Variants in NUBP1 observed in about 807,000 individuals in gnomAD.
NUBP1 encodes NUBP iron-sulfur cluster assembly factor 1, cytosolic, also known as cytosolic Fe-S cluster assembly factor NUBP1.
In NUBP1, 46 loss-of-function variants were observed where a neutral mutation model predicts 41.8. That is an observed-to-expected ratio of 1.10 (90% CI 0.87 to 1.41). NUBP1 has a LOEUF of 1.41. Among genes scored for constraint, NUBP1 ranks in the 40% most tolerant of loss-of-function variants. The probability of loss-of-function intolerance (pLI) is 0.00; values close to 1 mark genes in which losing one functional copy is unlikely to be tolerated. For missense variants in NUBP1, 494 were observed against 414.0 expected, an observed-to-expected ratio of 1.19 and a Z score of -1.68; for synonymous variants, 189 against 154.6, an observed-to-expected ratio of 1.22 and a Z score of -1.65.
At chr16:10,750,482 T>G (rs1900269160) in intron 3 of NUBP1, among the ~76,000 whole-genome samples, 1 of 152,134 alleles carries the variant, frequency 6.6e-6, no homozygotes, top group South Asian at 2.1e-4. Flanking sequence ...CCTCAGGTGA[T>G]CCGCCTGCCT....
intron 3 of NUBP1, 52 bp downstream of exon 3, chr16:10,747,328 T>C (rs2142661867): frequency 6.2e-7 from 1 of 1,601,508 alleles, no homozygotes; most frequent in Non-Finnish European, 8.5e-7. Context: ...AGGGTCGTGA[T>C]GGCTACTAAA....
At chr16:10,761,662 GC>G in intron 8 of NUBP1, 94 bp from the exon 9 acceptor site, 4 of 1,013,816 alleles carry the variant, frequency 3.9e-6, no homozygotes, top group African/African-American at 1.6e-5. Flanking sequence ...TTCAAACTAA[GC>G]CTTTTTTTTT....
rs1371500649 is a variant in NUBP1 at position 10,767,953 on chromosome 16, G to T, written c.825G>T (p.Lys275Asn). Reference sequence around the variant, plus strand: ...TCCGTTTGTTTCTTTTTTAAGGTAAGAATTGTGACAAAGGCCAGTCTTTTT... The same window carrying T: ...TCCGTTTGTTTCTTTTTTAAGGTAATAATTGTGACAAAGGCCAGTCTTTTT... ...GRVPLDPLIG[K>N]NCDKGQSFFI... The change falls in exon 10 of 11, where the codon AAG becomes AAT. Residue 275 changes from lysine (K) to asparagine (N), a missense_variant. By Grantham distance (94) the Lys-to-Asn change is moderately conservative. Coordinates refer to ENST00000283027, the MANE Select transcript of NUBP1 (RefSeq NM_002484.4). This position sits in a 1 kb window ranked among gnomAD's most constrained non-coding sequence, Gnocchi z 4.6. The T allele has an allele frequency of 6.2e-7, 1 of 1,614,098 alleles. No individual in the cohort carries two copies. The highest frequency in any genetic ancestry group is 1.3e-5 in the African/African-American group (1 of 75,038).
intron 2 of NUBP1, among the ~76,000 whole-genome samples, chr16:10,744,790 CTG>C (rs142611319): frequency 0.021 from 3,196 of 151,648 alleles, 114 homozygotes; most frequent in African/African-American, 0.073. Context: ...CAGAGTCTTG[CTG>C]TGTAGCCCAG....
At chr16:10,748,648 C>T (rs185465336) in intron 3 of NUBP1, among the ~76,000 whole-genome samples, 26 of 152,232 alleles carry the variant, frequency 1.7e-4, no homozygotes, top group African/African-American at 4.3e-4. Context: ...GCACGGGGCC[C>T]GACGAATAGT....
rs1900511406 is a variant in NUBP1 at position 10,755,628 on chromosome 16, C to A, written c.328-93C>A. ...AGACAATGAATTATATTTTAAAAAA[C>A]CATCGTCTTACTTTGTACAATTTGT... On this transcript the variant is annotated intron_variant, in intron 4 of 10. Coordinates refer to ENST00000283027, the MANE Select transcript of NUBP1 (RefSeq NM_002484.4). 15 of 1,301,890 alleles carry A rather than the reference C, an allele frequency of 1.2e-5. No individual in the cohort carries two copies. In the East Asian group the frequency reaches 2.1e-4, roughly 18 times the overall value. The allele number at this position is 1,301,890 out of a possible 1,614,324, so 80.6% of individuals were successfully genotyped here. A position where few individuals can be genotyped will look rare whatever the true frequency, so the allele number is the denominator to read the frequency against.
At chr16:10,752,823 C>G in intron 4 of NUBP1, 145 bp downstream of exon 4, 1 of 698,444 alleles carries the variant, frequency 1.4e-6, no homozygotes. Flanking sequence ...GAGACAAGGT[C>G]TCACTCTTGT....
chr16:10,752,252 C>T (rs1900352408), intron 3 of NUBP1, among the ~76,000 whole-genome samples: 1 of 152,170 alleles, frequency 6.6e-6, no homozygotes, highest in African/African-American at 2.4e-5. Flanking sequence ...TTGGCTGTTC[C>T]ATCCATTCTG....
chr16:10,757,257 A>G lies in NUBP1; in HGVS notation c.451+477A>G, dbSNP rs1230285462. Among the ~76,000 whole-genome samples the G allele has an allele frequency of 6.6e-6, 1 of 152,098 alleles. No homozygotes were observed. Among genetic ancestry groups the G allele is most frequent in the East Asian group, 1.9e-4 (1 of 5,182 alleles). ...CAGTGAGCCAAGATCATGCCACTGC[A>G]CTCCAGCCTGTGTGACAGAGCGAGA... On this transcript the variant is annotated intron_variant, in intron 6 of 10. Transcript: ENST00000283027. This position sits in a 1 kb window ranked among gnomAD's most constrained non-coding sequence, Gnocchi z 4.1.
chr16:10,757,737 AG>A lies in NUBP1; in HGVS notation c.452-134del. ...TAGTTACTTGGGAGGCTGAGGTGGG[AG>A]GATTGCTTGAGCCTCAGAGTTAAGA... On this transcript the variant is annotated intron_variant, in intron 6 of 10. Coordinates refer to ENST00000283027, the MANE Select transcript of NUBP1 (RefSeq NM_002484.4). The surrounding 1 kb of genome is among the most constrained non-coding windows in gnomAD (Gnocchi z 4.1). The A allele has an allele frequency of 1.0e-6, 1 of 1,003,140 alleles. No individual in the cohort carries two copies. Among genetic ancestry groups the A allele is most frequent in the Non-Finnish European group, 1.5e-6 (1 of 677,462 alleles). 62.1% of individuals were successfully genotyped at this position (1,003,140 alleles called of 1,614,324 possible). A position where few individuals can be genotyped will look rare whatever the true frequency, so the allele number is the denominator to read the frequency against.
intron 2 of NUBP1, among the ~76,000 whole-genome samples, chr16:10,744,835 G>T (rs771435640): frequency 6.6e-6 from 1 of 151,494 alleles, no homozygotes; most frequent in Non-Finnish European, 1.5e-5. Flanking sequence ...TCGGCTCACT[G>T]CAACTTTCAC....
At chr16:10,763,356 G>C (rs561994388) in intron 9 of NUBP1, among the ~76,000 whole-genome samples, 11 of 152,204 alleles carry the variant, frequency 7.2e-5, no homozygotes, top group African/African-American at 2.7e-4. Flanking sequence ...GTGGTAGGGG[G>C]GTAGGGTGCG....
At chr16:10,756,580 G>T (rs1457598040) in intron 5 of NUBP1, 110 bp from the exon 6 acceptor site, 1 of 645,262 alleles carries the variant, frequency 1.5e-6, no homozygotes, top group Non-Finnish European at 2.5e-6. Flanking sequence ...TGGTAGTTTT[G>T]TCCTGAAAAT....
At position 10,769,308 on chromosome 16, in the gene NUBP1, C is replaced by G. The variant is rs2031356872; in HGVS notation, c.*203C>G. 1.9e-6 allele frequency: 1 copy of G among 533,182 alleles called. No individual in the cohort carries two copies. The allele number at this position is 533,182 out of a possible 1,614,324, so 33.0% of individuals were successfully genotyped here. A position where few individuals can be genotyped will look rare whatever the true frequency, so the allele number is the denominator to read the frequency against. ...CTTTAGAACATATATAAAGGGCATT[C>G]TCTACAAATGTGCCGTTTTAAGAAT... On this transcript the variant is annotated 3_prime_UTR_variant, in exon 11 of 11. Transcript: ENST00000283027.
intron 2 of NUBP1, among the ~76,000 whole-genome samples, chr16:10,744,652 G>C (rs2719636): frequency 0.1 from 15,937 of 152,246 alleles, 930 homozygotes; most frequent in South Asian, 0.18. Flanking sequence ...AACCACCGCA[G>C]CTTTAAGTGC....
intron 4 of NUBP1, among the ~76,000 whole-genome samples, chr16:10,753,668 T>C (rs1900424807): frequency 6.6e-6 from 1 of 151,932 alleles, no homozygotes; most frequent in Admixed American, 6.6e-5. Flanking sequence ...AGGCAGATGC[T>C]AGATAATGTG....
chr16:10,767,851 T>G lies in NUBP1; in HGVS notation c.821-98T>G. ...CATTACGAGTGAAGCGGGCTCAAGATCTTCCCATTGTCACCAGCACGGAAA... is the reference window on the plus strand; with the variant it reads ...CATTACGAGTGAAGCGGGCTCAAGAGCTTCCCATTGTCACCAGCACGGAAA... On this transcript the variant is annotated intron_variant, in intron 9 of 10. Transcript: ENST00000283027. The surrounding 1 kb of genome is among the most constrained non-coding windows in gnomAD (Gnocchi z 4.6). The G allele has an allele frequency of 8.9e-7, 1 of 1,122,780 alleles. No homozygotes were observed. 69.6% of individuals were successfully genotyped at this position (1,122,780 alleles called of 1,614,324 possible). A position where few individuals can be genotyped will look rare whatever the true frequency, so the allele number is the denominator to read the frequency against.
Position 10,768,264 on chromosome 16 carries a change from A to C in NUBP1, c.904+232A>C, listed in dbSNP as rs1055393995. ...GTGAAATTTATGGCTTAGGAAATAC[A>C]TCCCAATAAAGGGATAAAGTAATTC... On this transcript the variant is annotated intron_variant, in intron 10 of 10. Transcript: ENST00000283027. The surrounding 1 kb of genome is among the most constrained non-coding windows in gnomAD (Gnocchi z 4.3). 1.5e-5 allele frequency: 6 copies of C among 390,846 alleles called. No homozygotes were observed. Among genetic ancestry groups the C allele is most frequent in the African/African-American group, 1.2e-4 (6 of 48,254 alleles). The allele number at this position is 390,846 out of a possible 1,614,324, so 24.2% of individuals were successfully genotyped here. A position where few individuals can be genotyped will look rare whatever the true frequency, so the allele number is the denominator to read the frequency against.
Position 10,767,780 on chromosome 16 carries a change from G to A in NUBP1, c.821-169G>A, listed in dbSNP as rs2031114973. On this transcript the variant is annotated intron_variant, in intron 9 of 10. Coordinates refer to ENST00000283027, the MANE Select transcript of NUBP1 (RefSeq NM_002484.4). This position sits in a 1 kb window ranked among gnomAD's most constrained non-coding sequence, Gnocchi z 4.6. ...GAAATGCTGGCTGGGGACCCTGCTG[G>A]AAGGAAGGTCCCTGAGACCCCACTG... The A allele has an allele frequency of 1.6e-6, 1 of 619,978 alleles. No individual in the cohort carries two copies. Among genetic ancestry groups the A allele is most frequent in the Non-Finnish European group, 2.8e-6 (1 of 352,056 alleles). 38.4% of individuals were successfully genotyped at this position (619,978 alleles called of 1,614,324 possible).
Sources: allele counts gnomAD v4.1 joint callset (sites outside exome capture counted in the v4.1 genomes callset), GRCh38; gene constraint gnomAD v4.1.1; non-coding constraint Gnocchi (gnomAD v3.1); transcripts MANE v1.5; gene names NCBI Gene and HGNC (gene_info 2026-07-23, HGNC 2026-07-21).